The following SMNDC1 variants were observed in gnomAD, a reference collection of about 807,000 sequenced individuals.
The protein encoded by SMNDC1 is survival of motor neuron-related-splicing factor 30.
A neutral mutation model predicts 29.2 loss-of-function variants in SMNDC1; 5 were observed. The ratio of observed to expected loss-of-function variants is 0.17; its 90% confidence interval spans 0.09 to 0.36. The LOEUF is 0.36. SMNDC1 is among the 10% of genes least tolerant of loss of function. The pLI, the probability that SMNDC1 is intolerant of heterozygous loss-of-function variation, is 1.00. For missense variants in SMNDC1, 142 were observed against 268.5 expected (o/e 0.53, Z 3.29); for synonymous variants, 80 against 89.9 (o/e 0.89, Z 0.62).
chr10:110,294,532 C>T (rs1050791269), intron 5 of SMNDC1, among the ~76,000 whole-genome samples: 1 of 152,138 alleles, frequency 6.6e-6, no homozygotes, highest in Non-Finnish European at 1.5e-5. Flanking sequence ...CCTTCTGATA[C>T]GTCAAAATTT....
chr10:110,298,615 TGTTATA>T (rs746752080), intron 3 of SMNDC1, 27 bp downstream of exon 3: 122 of 1,555,012 alleles, frequency 7.8e-5, no homozygotes, highest in Middle Eastern at 1.7e-4. Context: ...TATTATTTCA[TGTTATA>T]GTTAGAGTTT....
chr10:110,301,468 A>G (rs1857647500), intron 2 of SMNDC1, among the ~76,000 whole-genome samples: 1 of 152,266 alleles, frequency 6.6e-6, no homozygotes, highest in Non-Finnish European at 1.5e-5. Flanking sequence ...AAATGGGAAG[A>G]AACTCTGATC....
intron 4 of SMNDC1, 28 bp from the exon 5 acceptor site, chr10:110,295,409 T>C (rs919773232): frequency 5.8e-6 from 9 of 1,551,376 alleles, no homozygotes; most frequent in Non-Finnish European, 6.9e-6. Flanking sequence ...AAATGTCAAC[T>C]GTTAAGACTT....
intron 4 of SMNDC1, among the ~76,000 whole-genome samples, chr10:110,295,824 T>C (rs1026607921): frequency 6.6e-6 from 1 of 152,154 alleles, no homozygotes; most frequent in African/African-American, 2.4e-5. Context: ...ATATTTTTAG[T>C]AGAGATAGGG....
intron 1 of SMNDC1, chr10:110,303,909 T>C (rs1204342227): frequency 4.3e-6 from 1 of 233,242 alleles, no homozygotes; most frequent in African/African-American, 2.3e-5. Flanking sequence ...CAGTGTTATC[T>C]TTTTAAAAAG....
chr10:110,297,824 T>C lies in SMNDC1; in HGVS notation c.264-96A>G, dbSNP rs2233935. The C allele has an allele frequency of 4.7e-3, 5,050 of 1,065,896 alleles. 63 individuals are homozygous for C. Among genetic ancestry groups the C allele is most frequent in the East Asian group, 0.041 (1,585 of 38,650 alleles). 66.0% of individuals were successfully genotyped at this position (1,065,896 alleles called of 1,614,324 possible). A position where few individuals can be genotyped will look rare whatever the true frequency, so the allele number is the denominator to read the frequency against. On this transcript the variant is annotated intron_variant, in intron 3 of 5. Coordinates refer to ENST00000369603, the MANE Select transcript of SMNDC1 (RefSeq NM_005871.4). Reference sequence around the variant, plus strand: ...GTGATAAAATTATTACATGTGTCTATAATGAAACTTCTATAATCAAATGGT... The same window carrying C: ...GTGATAAAATTATTACATGTGTCTACAATGAAACTTCTATAATCAAATGGT...
chr10:110,300,656 T>C (rs890052218), intron 2 of SMNDC1: 5 of 985,400 alleles, frequency 5.1e-6, no homozygotes, highest in Non-Finnish European at 6.0e-6. Flanking sequence ...GGTGTTGTGA[T>C]CTACATATCA....
In SMNDC1 at chr10:110,297,635, C is replaced by T; in HGVS notation, c.357G>A (p.Leu119=). ...AGYGNAEVTP[L]LNLKPVEEGR... ...CTTCTTCTACAGGCTTGAGGTTCAA[C>T]AGTGGAGTCACTTCAGCATTGCCAT... Residue 119 remains leucine, a synonymous_variant, in exon 4 of 6, where the codon CTG becomes CTA. Coordinates refer to ENST00000369603, the MANE Select transcript of SMNDC1 (RefSeq NM_005871.4). 6.2e-7 allele frequency: 1 copy of T among 1,614,032 alleles called. No individual in the cohort carries two copies. Among genetic ancestry groups the T allele is most frequent in the South Asian group, 1.1e-5 (1 of 91,080 alleles).
At chr10:110,303,890 C>G (rs1857696493) in intron 1 of SMNDC1, 1 of 270,218 alleles carries the variant, frequency 3.7e-6, no homozygotes, top group African/African-American at 2.2e-5. Flanking sequence ...CTGAATTCGG[C>G]TCAATAATCA....
intron 5 of SMNDC1, 77 bp downstream of exon 5, chr10:110,295,151 C>T: frequency 3.7e-6 from 5 of 1,340,666 alleles, no homozygotes; most frequent in Admixed American, 5.1e-5. Context: ...AAAAAATCTC[C>T]ATCTCTTTTC....
At chr10:110,301,809 G>A (rs1456104954) in intron 2 of SMNDC1, among the ~76,000 whole-genome samples, 1 of 152,126 alleles carries the variant, frequency 6.6e-6, no homozygotes, top group Non-Finnish European at 1.5e-5. Context: ...CCTTTTAGGG[G>A]CTTACTACAG....
chr10:110,297,793 A>C, intron 3 of SMNDC1, 65 bp from the exon 4 acceptor site: 5 of 1,360,366 alleles, frequency 3.7e-6, no homozygotes, highest in Non-Finnish European at 1.0e-6. Flanking sequence ...CAAGACTTAT[A>C]CTGTAGTGAT....
intron 2 of SMNDC1, among the ~76,000 whole-genome samples, chr10:110,301,166 C>T (rs112326742): frequency 0.051 from 7,691 of 152,256 alleles, 286 homozygotes; most frequent in Middle Eastern, 0.15. Context: ...CAAAATCAGT[C>T]TGAACAGACT....
At chr10:110,297,818 T>G (rs545409717) in intron 3 of SMNDC1, 90 bp from the exon 4 acceptor site, 3 of 1,121,142 alleles carry the variant, frequency 2.7e-6, no homozygotes, top group Non-Finnish European at 3.7e-6. Context: ...TTATTACATG[T>G]GTCTATAATG....
At position 110,297,956 on chromosome 10, in the gene SMNDC1, C is replaced by A. The variant is rs1248119791; in HGVS notation, c.264-228G>T. Among the ~76,000 whole-genome samples the A allele has an allele frequency of 2.0e-5, 3 of 152,190 alleles. No individual in the cohort carries two copies. The South Asian group carries it at 6.2e-4, about 31-fold the overall frequency. The stretch of plus-strand genomic sequence containing the variant: ...TGGGCAAGTCTCTTACATGTACCTA[C>A]TCAACGTGATTTAATGTCTTTGAGA... On this transcript the variant is annotated intron_variant, in intron 3 of 5. Coordinates refer to ENST00000369603, the MANE Select transcript of SMNDC1 (RefSeq NM_005871.4).
In SMNDC1 at chr10:110,292,001, C is replaced by T. The variant is rs984382395; in HGVS notation, c.*2149G>A. The T allele has an allele frequency of 6.6e-6, 1 of 152,186 alleles. No individual in the cohort carries two copies. The highest frequency in any genetic ancestry group is 1.5e-5 in the Non-Finnish European group (1 of 68,026). The allele number at this position is 152,186 out of a possible 1,614,324, so 9.4% of individuals were successfully genotyped here. On this transcript the variant is annotated 3_prime_UTR_variant, in exon 6 of 6. Transcript: ENST00000369603. ...TCCTTTCTTAATGGGGAAAACTCTA[C>T]ATTAAATTTTCTAACAAAGCTTTTT... is the stretch of plus-strand genomic sequence containing the variant.
In SMNDC1 at chr10:110,295,450, C is replaced by T. The variant is rs141836857; in HGVS notation, c.426-69G>A. On this transcript the variant is annotated intron_variant, in intron 4 of 5. Coordinates refer to ENST00000369603, the MANE Select transcript of SMNDC1 (RefSeq NM_005871.4). Reference sequence around the variant, plus strand: ...ACAAGAATGACTTCCTTGAAGACACCGGCAGTGCAAAAAAAAAATCTAATA... The same window carrying T: ...ACAAGAATGACTTCCTTGAAGACACTGGCAGTGCAAAAAAAAAATCTAATA... The T allele has an allele frequency of 2.8e-4, 355 of 1,275,402 alleles. 4 individuals are homozygous for T. The East Asian group carries it at 7.5e-3, about 27-fold the overall frequency. The allele number at this position is 1,275,402 out of a possible 1,614,324, so 79.0% of individuals were successfully genotyped here.
In SMNDC1 at chr10:110,294,060, C is replaced by A; in HGVS notation, c.*90G>T. The A allele has an allele frequency of 9.7e-7, 1 of 1,031,088 alleles. No individual in the cohort carries two copies. Among genetic ancestry groups the A allele is most frequent in the South Asian group, 2.0e-5 (1 of 48,984 alleles). The allele number at this position is 1,031,088 out of a possible 1,614,324, so 63.9% of individuals were successfully genotyped here. A position where few individuals can be genotyped will look rare whatever the true frequency, so the allele number is the denominator to read the frequency against. ...TGACGACAATGGTATCTTGCTTACT[C>A]ATCTAACAAATAATTTACCTTTAGA... On this transcript the variant is annotated 3_prime_UTR_variant, in exon 6 of 6. Transcript: ENST00000369603.
Position 110,299,576 on chromosome 10 carries a change from A to T in SMNDC1, c.121-786T>A, listed in dbSNP as rs185022529. 1.4e-4 allele frequency among the ~76,000 whole-genome samples: 21 copies of T among 152,342 alleles called. No individual in the cohort carries two copies. The East Asian group carries it at 3.9e-3, about 28-fold the overall frequency. The stretch of plus-strand genomic sequence containing the variant: ...AAAATTGAGAACAGTACAAGCCGAC[A>T]GATTCTGCTACCTGTCTACTATATT... On this transcript the variant is annotated intron_variant, in intron 2 of 5. Coordinates refer to ENST00000369603, the MANE Select transcript of SMNDC1 (RefSeq NM_005871.4).
Sources: gnomAD v4.1 joint callset for allele counts (sites outside exome capture counted in the v4.1 genomes callset) on GRCh38, gnomAD v4.1.1 for gene constraint, MANE v1.5 for transcripts, NCBI Gene and HGNC (gene_info 2026-07-23, HGNC 2026-07-21) for gene names.